Variants in CACNA1B observed in about 807,000 individuals in gnomAD.
CACNA1B encodes voltage-dependent N-type calcium channel subunit alpha-1B.
In CACNA1B, 70 loss-of-function variants were observed where a neutral mutation model predicts 247.2. That is an observed-to-expected ratio of 0.28 (90% CI 0.23 to 0.35). The LOEUF (loss-of-function observed/expected upper bound fraction) is 0.35. CACNA1B is among the 10% of genes least tolerant of loss of function. The pLI, the probability that CACNA1B is intolerant of heterozygous loss-of-function variation, is 1.00. For synonymous variants in CACNA1B, 1,231 were observed against 1,294.4 expected (o/e 0.95, Z 1.05); for missense variants, 2,367 against 3,197.4 (o/e 0.74, Z 6.26).
At chr9:138,095,961 G>A (rs952620649) in intron 36 of CACNA1B, among the ~76,000 whole-genome samples, 1 of 151,222 alleles carries the variant, frequency 6.6e-6, no homozygotes, top group African/African-American at 2.4e-5. Flanking sequence ...GGGGATTGGG[G>A]TGGTGATTAC....
At chr9:138,117,281 G>T (rs1961901611) in intron 42 of CACNA1B, among the ~76,000 whole-genome samples, 1 of 30,710 alleles carries the variant, frequency 3.3e-5, no homozygotes. Context: ...GCTCATTGTG[G>T]CTTGGGGGGG....
At chr9:137,900,439 CGTGTGTCTCTGTGTCTGTGTAT>C (rs1588991882) in intron 3 of CACNA1B, among the ~76,000 whole-genome samples, 2 of 151,594 alleles carry the variant, frequency 1.3e-5, no homozygotes, top group African/African-American at 2.4e-5. Flanking sequence ...GTGTCTGCGC[CGTGTGTCTCTGTGTCTGTGTAT>C]GTGTGTCTCT....
At chr9:138,112,331 T>A (rs536997624) in intron 39 of CACNA1B, 67 bp from the exon 40 acceptor site, 5 of 1,129,150 alleles carry the variant, frequency 4.4e-6, no homozygotes, top group Non-Finnish European at 6.7e-6. Context: ...CTCTGCCCCA[T>A]TGGCGGCTGC....
At position 137,882,052 on chromosome 9, in the gene CACNA1B, C is replaced by T. The variant is rs889472338; in HGVS notation, c.391-692C>T. Among the ~76,000 whole-genome samples the T allele has an allele frequency of 2.0e-5, 3 of 152,274 alleles. No homozygotes were observed. Among genetic ancestry groups the T allele is most frequent in the Admixed American group, 1.3e-4 (2 of 15,298 alleles). ...GCCTCCAGGGTCCTCACAGATGTGG[C>T]GGTCGTCGCTCAGCACACTCAGGGC... On this transcript the variant is annotated intron_variant, in intron 2 of 46. Transcript: ENST00000371372. The surrounding 1 kb of genome is among the most constrained non-coding windows in gnomAD (Gnocchi z 4.0).
chr9:138,020,655 C>CA lies in CACNA1B; in HGVS notation c.2268-2355dup, dbSNP rs1452920215. On this transcript the variant is annotated intron_variant, in intron 18 of 46. Transcript: ENST00000371372. The surrounding 1 kb of genome is among the most constrained non-coding windows in gnomAD (Gnocchi z 4.1). ...CCGGAAGGAACAGGCCAGGTGGAAC[C>CA]AGTGGGGCTGCGGGGGGCGGGCAGG... Among the ~76,000 whole-genome samples, 2 of 152,164 alleles carry CA rather than the reference C, an allele frequency of 1.3e-5. No homozygotes were observed. Among genetic ancestry groups the CA allele is most frequent in the Admixed American group, 1.3e-4 (2 of 15,270 alleles).
In CACNA1B at chr9:138,059,087, T is replaced by C. The variant is rs2133506148; in HGVS notation, c.4482T>C (p.Asp1494=). ...NTVVLMMKFY[D]APYEYELMLK... ...GCCTATTCCCCGGGCAGTTCTATGA[T>C]GCACCCTATGAGTACGAGCTGATGC... The change falls in exon 30 of 47, where the codon GAT becomes GAC. Residue 1494 remains aspartate (D), a synonymous_variant. Transcript: ENST00000371372. This position sits in a 1 kb window ranked among gnomAD's most constrained non-coding sequence, Gnocchi z 4.2. 3.1e-6 allele frequency: 5 copies of C among 1,607,654 alleles called. No individual in the cohort carries two copies. In the South Asian group the frequency reaches 5.5e-5, roughly 18 times the overall value.
In CACNA1B at chr9:137,978,407, C is replaced by T. The variant is rs551016062; in HGVS notation, c.1656+2388C>T. 2.7e-5 allele frequency among the ~76,000 whole-genome samples: 4 copies of T among 149,258 alleles called. No homozygotes were observed. The South Asian group carries it at 8.6e-4, about 32-fold the overall frequency. On this transcript the variant is annotated intron_variant, in intron 12 of 46. Transcript: ENST00000371372. ...GGGTGGGAGTACTACCCTGCCCCCCCCAGGAAGGAGTGACAGGTGGGAGCA... is the reference window on the plus strand; with the variant it reads ...GGGTGGGAGTACTACCCTGCCCCCCTCAGGAAGGAGTGACAGGTGGGAGCA...
rs73669806 is a variant in CACNA1B at position 137,953,353 on chromosome 9, G to T, written c.1070+976G>T. On this transcript the variant is annotated intron_variant, in intron 7 of 46. Coordinates refer to ENST00000371372, the MANE Select transcript of CACNA1B (RefSeq NM_000718.4). ...CACTATGATCCCTGCTCAGGCCCAC[G>T]GCTCCGAGCCAGGCTGGGGATAGAG... is the stretch of plus-strand genomic sequence containing the variant. 5.0e-3 allele frequency among the ~76,000 whole-genome samples: 757 copies of T among 152,278 alleles called. 9 individuals carry two copies. The highest frequency in any genetic ancestry group is 0.017 in the African/African-American group (701 of 41,550).
At chr9:137,988,843 C>T (rs1176274316) in intron 15 of CACNA1B, among the ~76,000 whole-genome samples, 2 of 152,070 alleles carry the variant, frequency 1.3e-5, no homozygotes, top group Non-Finnish European at 2.9e-5. Flanking sequence ...GCTGCAGAGA[C>T]CAGGAAGGCT....
intron 18 of CACNA1B, among the ~76,000 whole-genome samples, chr9:138,022,445 G>A (rs1958856308): frequency 1.3e-5 from 2 of 152,160 alleles, no homozygotes; most frequent in Admixed American, 1.3e-4. Flanking sequence ...TGCCCTCTGG[G>A]TTCCCTGGCA....
At chr9:137,991,887 G>A (rs1958435677) in intron 15 of CACNA1B, among the ~76,000 whole-genome samples, 1 of 152,112 alleles carries the variant, frequency 6.6e-6, no homozygotes, top group Non-Finnish European at 1.5e-5. Flanking sequence ...GCAAACAAAT[G>A]CTGAGAGAAT....
At chr9:138,091,574 A>G (rs569613899) in intron 36 of CACNA1B, among the ~76,000 whole-genome samples, 1 of 152,332 alleles carries the variant, frequency 6.6e-6, no homozygotes, top group Admixed American at 6.5e-5. Context: ...CCCAACACAG[A>G]AATAAGTGTT....
chr9:137,953,564 G>A (rs1957904082), intron 7 of CACNA1B, among the ~76,000 whole-genome samples: 1 of 152,180 alleles, frequency 6.6e-6, no homozygotes, highest in South Asian at 2.1e-4. Flanking sequence ...GCAAGCGACC[G>A]GCTCACGGGA....
In CACNA1B at chr9:137,974,315, G is replaced by A. The variant is rs138397559; in HGVS notation, c.1544-1592G>A. ...CGCTGGGCATCCATGCCTCTCACAGGGGGCTCTCGGCTTCTCCAGGGACAC... is the reference window on the plus strand; with the variant it reads ...CGCTGGGCATCCATGCCTCTCACAGAGGGCTCTCGGCTTCTCCAGGGACAC... On this transcript the variant is annotated intron_variant, in intron 11 of 46. Transcript: ENST00000371372. This position sits in a 1 kb window ranked among gnomAD's most constrained non-coding sequence, Gnocchi z 4.5. Among the ~76,000 whole-genome samples the A allele has an allele frequency of 0.011, 1,724 of 152,278 alleles. 16 individuals carry two copies. The highest frequency in any genetic ancestry group is 0.019 in the Non-Finnish European group (1,272 of 68,000).
chr9:137,970,443 T>C (rs2133363725), intron 10 of CACNA1B, among the ~76,000 whole-genome samples: 1 of 152,276 alleles, frequency 6.6e-6, no homozygotes, highest in Middle Eastern at 3.4e-3. Context: ...ATCAAGCCCC[T>C]CTCAGTGTGA....
chr9:137,907,455 G>A (rs143281404), intron 3 of CACNA1B, among the ~76,000 whole-genome samples: 114 of 152,260 alleles, frequency 7.5e-4, no homozygotes, highest in African/African-American at 2.4e-3. Context: ...TCTCCAAAAC[G>A]ATTCTACAGT....
At position 137,955,787 on chromosome 9, in the gene CACNA1B, G is replaced by C; in HGVS notation, c.1160G>C (p.Gly387Ala). 6.2e-7 allele frequency: 1 copy of C among 1,610,450 alleles called. No individual in the cohort carries two copies. The highest frequency in any genetic ancestry group is 2.2e-5 in the East Asian group (1 of 44,740). ...RQQQIERELNGYLEWIFKAEE... is the reference protein window; with the variant it reads ...RQQQIERELNAYLEWIFKAEE... Reference sequence around the variant, plus strand: ...CAGCAGATCGAGCGAGAGCTCAACGGGTACCTGGAGTGGATCTTCAAGGCG... The same window carrying C: ...CAGCAGATCGAGCGAGAGCTCAACGCGTACCTGGAGTGGATCTTCAAGGCG... Residue 387 changes from glycine to alanine, a missense_variant, in exon 8 of 47, where the codon GGG becomes GCG. By Grantham distance (60) the Gly-to-Ala change is moderately conservative. Coordinates refer to ENST00000371372, the MANE Select transcript of CACNA1B (RefSeq NM_000718.4). The surrounding 1 kb of genome is among the most constrained non-coding windows in gnomAD (Gnocchi z 6.9).
intron 10 of CACNA1B, among the ~76,000 whole-genome samples, chr9:137,960,249 G>A (rs1290756432): frequency 6.9e-5 from 10 of 145,040 alleles, no homozygotes; most frequent in Admixed American, 6.8e-4. Flanking sequence ...AGGGGAGTTA[G>A]GCCTGAGGGA....
In CACNA1B at chr9:138,050,110, G is replaced by A. The variant is rs563270965; in HGVS notation, c.3710+795G>A. On this transcript the variant is annotated intron_variant, in intron 24 of 46. Transcript: ENST00000371372. This position sits in a 1 kb window ranked among gnomAD's most constrained non-coding sequence, Gnocchi z 5.2. ...GGGTAATGCCTTCTCTCCCCCACAC[G>A]CTGCCCCTGACATCACAGCATTCCA... 3 of 1,286,100 alleles carry A rather than the reference G, an allele frequency of 2.3e-6. No individual in the cohort carries two copies. Among genetic ancestry groups the A allele is most frequent in the East Asian group, 5.6e-5 (1 of 17,984 alleles). 79.7% of individuals were successfully genotyped at this position (1,286,100 alleles called of 1,614,324 possible).
Sources: gnomAD v4.1 joint callset for allele counts (sites outside exome capture counted in the v4.1 genomes callset) on GRCh38, gnomAD v4.1.1 for gene constraint, Gnocchi (gnomAD v3.1) non-coding constraint, MANE v1.5 for transcripts, NCBI Gene and HGNC (gene_info 2026-07-23, HGNC 2026-07-21) for gene names.